PPHLN1: variants seen among roughly 807,000 people sequenced by gnomAD.
PPHLN1 encodes the protein periphilin-1.
Under a neutral mutation model 51.3 loss-of-function variants are expected in PPHLN1, and 29 were observed. That is an observed-to-expected ratio of 0.57 (90% CI 0.42 to 0.77). The LOEUF is 0.77. Among genes scored for constraint, PPHLN1 ranks in the 30% least tolerant of loss-of-function variants. The probability of loss-of-function intolerance (pLI) is 0.00; values close to 1 mark genes in which losing one functional copy is unlikely to be tolerated. For missense variants in PPHLN1, 436 were observed against 438.4 expected, an observed-to-expected ratio of 0.99 and a Z score of 0.05; for synonymous variants, 147 against 147.8, an observed-to-expected ratio of 0.99 and a Z score of 0.04.
At chr12:42,384,152 G>C (rs900400009) in intron 5 of PPHLN1, among the ~76,000 whole-genome samples, 3 of 151,862 alleles carry the variant, frequency 2.0e-5, no homozygotes, top group African/African-American at 7.3e-5. Context: ...TATTGCAAAA[G>C]TAAGATGGCA....
At chr12:42,399,046 A>G in intron 9 of PPHLN1, 52 bp downstream of exon 9, 1 of 1,590,562 alleles carries the variant, frequency 6.3e-7, no homozygotes, top group Non-Finnish European at 8.6e-7. Context: ...GTTGCTTTGC[A>G]CATGTAAACA....
At chr12:42,443,404 T>TAGC (rs2083115418), downstream of PPHLN1, 1 of 152,306 alleles carries the variant, frequency 6.6e-6, no homozygotes, top group Admixed American at 6.5e-5. Flanking sequence ...GAGCTGCTAG[T>TAGC]AGCCCATTTA....
intron 9 of PPHLN1, among the ~76,000 whole-genome samples, chr12:42,429,184 C>A (rs1196919657): frequency 6.6e-6 from 1 of 151,954 alleles, no homozygotes; most frequent in Non-Finnish European, 1.5e-5. Context: ...CTTAGAAATT[C>A]TTTTCCCAAG....
chr12:42,330,193 C>G (rs558617614), intron 1 of PPHLN1, among the ~76,000 whole-genome samples: 1 of 152,328 alleles, frequency 6.6e-6, no homozygotes, highest in South Asian at 2.1e-4. Flanking sequence ...CGCCTCCAGC[C>G]ACAGGGTGGT....
chr12:42,327,253 G>A (rs1464929605), intron 1 of PPHLN1, among the ~76,000 whole-genome samples: 1 of 152,128 alleles, frequency 6.6e-6, no homozygotes, highest in East Asian at 1.9e-4. Flanking sequence ...TGTGCTTTCT[G>A]AAACCTCTAT....
chr12:42,404,738 T>C (rs2079142456), intron 9 of PPHLN1, among the ~76,000 whole-genome samples: 2 of 151,964 alleles, frequency 1.3e-5, no homozygotes, highest in Admixed American at 1.3e-4. Context: ...TTAAAAAATA[T>C]TTGTTTTGCA....
chr12:42,415,195 G>A (rs2708075), intron 9 of PPHLN1, among the ~76,000 whole-genome samples: 42,643 of 152,056 alleles, frequency 0.28, 7,337 homozygotes, highest in Non-Finnish European at 0.38. Flanking sequence ...TTTTTGAGAC[G>A]TAGTCTTGCT....
intron 5 of PPHLN1, among the ~76,000 whole-genome samples, chr12:42,381,030 A>G (rs1270950342): frequency 6.6e-6 from 1 of 152,228 alleles, no homozygotes; most frequent in Admixed American, 6.5e-5. Flanking sequence ...AAGGGTTAGT[A>G]GAAGGTGAAG....
In PPHLN1 at chr12:42,369,761, C is replaced by T. The variant is rs186684944; in HGVS notation, c.300-5102C>T. On this transcript the variant is annotated intron_variant, in intron 4 of 9. Transcript: ENST00000358314. ...AATTCCTTGATTCTTGAGATGAGTT[C>T]GGGCATATTTCTTCCTCCTCATTAC... is the stretch of plus-strand genomic sequence containing the variant. Among the ~76,000 whole-genome samples the T allele has an allele frequency of 3.5e-4, 54 of 152,254 alleles. No individual in the cohort carries two copies. In the Middle Eastern group the frequency reaches 0.01, roughly 29 times the overall value.
intron 9 of PPHLN1, among the ~76,000 whole-genome samples, chr12:42,410,951 G>T (rs1402800687): frequency 6.6e-6 from 1 of 152,054 alleles, no homozygotes; most frequent in East Asian, 1.9e-4. Context: ...ATGTATCTAG[G>T]TATGGATTGT....
intron 1 of PPHLN1, among the ~76,000 whole-genome samples, chr12:42,334,101 T>C (rs188337986): frequency 6.6e-6 from 1 of 152,212 alleles, no homozygotes; most frequent in Non-Finnish European, 1.5e-5. Flanking sequence ...CTCTTTAGAC[T>C]GAAACCTTTA....
intron 9 of PPHLN1, among the ~76,000 whole-genome samples, chr12:42,436,630 A>G (rs1292555615): frequency 6.6e-6 from 1 of 152,208 alleles, no homozygotes; most frequent in Non-Finnish European, 1.5e-5. Context: ...CTTAGGGGAT[A>G]TGTTCCAGGA....
intron 9 of PPHLN1, among the ~76,000 whole-genome samples, chr12:42,418,521 C>A (rs886546841): frequency 6.6e-6 from 1 of 152,104 alleles, no homozygotes; most frequent in African/African-American, 2.4e-5. Context: ...ACCTCACCCT[C>A]CAAATTTCTT....
At chr12:42,388,738 G>A (rs894376946) in intron 7 of PPHLN1, among the ~76,000 whole-genome samples, 1 of 152,194 alleles carries the variant, frequency 6.6e-6, no homozygotes, top group East Asian at 1.9e-4. Context: ...CTTGAGGCCA[G>A]GAGTTCACAA....
rs2072260801 is a variant in PPHLN1 at position 42,345,994 on chromosome 12, A to G, written c.73-5891A>G. Among the ~76,000 whole-genome samples the G allele has an allele frequency of 2.0e-5, 3 of 152,144 alleles. No homozygotes were observed. The South Asian group carries it at 6.2e-4, about 31-fold the overall frequency. ...GATGTTATGGGATACATATAGATGCAGGTACACATGGATGCATATTCATAG... is the reference window on the plus strand; with the variant it reads ...GATGTTATGGGATACATATAGATGCGGGTACACATGGATGCATATTCATAG... On this transcript the variant is annotated intron_variant, in intron 2 of 9. Coordinates refer to ENST00000358314, the MANE Select transcript of PPHLN1 (RefSeq NM_201439.2).
intron 7 of PPHLN1, among the ~76,000 whole-genome samples, chr12:42,391,636 A>G (rs1373595612): frequency 6.6e-6 from 1 of 152,114 alleles, no homozygotes; most frequent in African/African-American, 2.4e-5. Flanking sequence ...TGGAAAAAAA[A>G]ACAACTTTCT....
At chr12:42,414,185 C>A (rs531365274) in intron 9 of PPHLN1, among the ~76,000 whole-genome samples, 131 of 152,214 alleles carry the variant, frequency 8.6e-4, no homozygotes, top group Non-Finnish European at 1.3e-3. Flanking sequence ...CAGGCACCTG[C>A]CACCATGCCC....
At chr12:42,372,675 C>T (rs1435628922) in intron 4 of PPHLN1, among the ~76,000 whole-genome samples, 1 of 152,068 alleles carries the variant, frequency 6.6e-6, no homozygotes, top group Non-Finnish European at 1.5e-5. Context: ...TTGCTTTCCT[C>T]TATACCAGGC....
chr12:42,420,042 T>A (rs2080842820), intron 9 of PPHLN1, among the ~76,000 whole-genome samples: 1 of 152,186 alleles, frequency 6.6e-6, no homozygotes, highest in Non-Finnish European at 1.5e-5. Flanking sequence ...TAACATGACT[T>A]CTTTGCCATC....
Sources: gnomAD v4.1 joint callset for allele counts (sites outside exome capture counted in the v4.1 genomes callset) on GRCh38, gnomAD v4.1.1 for gene constraint, MANE v1.5 for transcripts, NCBI Gene and HGNC (gene_info 2026-07-23, HGNC 2026-07-21) for gene names.